Variants in CNKSR2 observed in about 807,000 individuals in gnomAD.
The protein encoded by CNKSR2 is connector enhancer of kinase suppressor of Ras 2.
Under a neutral mutation model 84.4 loss-of-function variants are expected in CNKSR2, and 14 were observed. That is an observed-to-expected ratio of 0.17 (90% CI 0.11 to 0.26). The LOEUF (loss-of-function observed/expected upper bound fraction) is 0.26. Among genes scored for constraint, CNKSR2 ranks in the 10% least tolerant of loss-of-function variants. The pLI is 1.00. For missense variants in CNKSR2, 485 were observed against 771.2 expected (o/e 0.63, Z 4.40); for synonymous variants, 275 against 277.9 (o/e 0.99, Z 0.10).
intron 13 of CNKSR2, among the ~76,000 whole-genome samples, chrX:21,589,110 GAT>G (rs1257459397): frequency 1.8e-5 from 2 of 112,092 alleles, no homozygotes; most frequent in African/African-American, 6.5e-5. Flanking sequence ...TGCAAAGTTT[GAT>G]ATGTGTGTGT....
chrX:21,514,161 T>C (rs1467896283), intron 8 of CNKSR2, among the ~76,000 whole-genome samples: 1 of 111,890 alleles, frequency 8.9e-6, no homozygotes, highest in Non-Finnish European at 1.9e-5. Context: ...TGGATACATT[T>C]ACATAATGTA....
chrX:21,505,628 T>C (rs2091605415), intron 8 of CNKSR2: 1 of 111,605 alleles, frequency 9.0e-6, no homozygotes, highest in African/African-American at 3.3e-5. Flanking sequence ...CTGTTGTCTC[T>C]CATTTTGGAC....
chrX:21,522,819 T>C (rs1402937371), intron 9 of CNKSR2, among the ~76,000 whole-genome samples: 2 of 110,942 alleles, frequency 1.8e-5, no homozygotes, highest in Non-Finnish European at 3.8e-5. Flanking sequence ...TAAGATATTA[T>C]TGCTAAAGTT....
intron 8 of CNKSR2, among the ~76,000 whole-genome samples, chrX:21,514,486 C>A (rs1426448468): frequency 9.0e-6 from 1 of 111,670 alleles, no homozygotes; most frequent in African/African-American, 3.2e-5. Context: ...GATAGAAAAG[C>A]AATTCTGTTT....
At chrX:21,432,920 C>A in intron 3 of CNKSR2, 106 bp downstream of exon 3, 1 of 754,581 alleles carries the variant, frequency 1.3e-6, no homozygotes, top group Non-Finnish European at 2.0e-6. Flanking sequence ...CAGAGGAGTA[C>A]CAAGTAATAA....
At chrX:21,542,818 G>A (rs966952822) in intron 11 of CNKSR2, among the ~76,000 whole-genome samples, 2 of 111,975 alleles carry the variant, frequency 1.8e-5, no homozygotes, top group African/African-American at 6.5e-5. Context: ...TTGAAGGTAG[G>A]AATCCAGACC....
chrX:21,472,858 A>G (rs181012401), intron 5 of CNKSR2, among the ~76,000 whole-genome samples: 29 of 111,465 alleles, frequency 2.6e-4, no homozygotes, highest in Non-Finnish European at 1.3e-4. Context: ...ATTTTAATTA[A>G]TTAGACTAAG....
At chrX:21,461,756 A>G (rs1245364696) in intron 4 of CNKSR2, among the ~76,000 whole-genome samples, 1 of 111,905 alleles carries the variant, frequency 8.9e-6, no homozygotes, top group Non-Finnish European at 1.9e-5. Flanking sequence ...ATGCCCATGG[A>G]TATCCAGTTT....
intron 15 of CNKSR2, 139 bp from the exon 16 acceptor site, chrX:21,594,835 A>T: frequency 7.1e-6 from 3 of 421,731 alleles, no homozygotes; most frequent in Non-Finnish European, 8.3e-6. Context: ...TAAGCATTGA[A>T]TTCTTATCTC....
At chrX:21,581,528 C>T (rs2092352866) in intron 13 of CNKSR2, among the ~76,000 whole-genome samples, 1 of 111,722 alleles carries the variant, frequency 9.0e-6, no homozygotes, top group East Asian at 2.8e-4. Flanking sequence ...AGCGGGGAGA[C>T]AAGATAGGAT....
intron 13 of CNKSR2, among the ~76,000 whole-genome samples, chrX:21,566,124 CAT>C (rs2092236008): frequency 1.8e-5 from 2 of 111,436 alleles, no homozygotes; most frequent in South Asian, 3.7e-4. Flanking sequence ...CTTGAAAAAA[CAT>C]GTGGCCTTGT....
rs1324385288 is a variant in CNKSR2 at position 21,432,638 on chromosome X, A to G, written c.255A>G (p.Leu85=). 1 of 1,180,774 alleles carries G rather than the reference A, an allele frequency of 8.5e-7. No individual in the cohort carries two copies. The highest frequency in any genetic ancestry group is 1.1e-6 in the Non-Finnish European group (1 of 874,816). The part of the protein sequence containing the change: ...ALNYGLETEN[L]KTLSHKLNAS... ...ATTATGGCTTGGAAACAGAAAATCT[A>G]AAAACCCTTTCTCACAAGTTGAATG... is the stretch of plus-strand genomic sequence containing the variant. The change falls in exon 3 of 22, where the codon CTA becomes CTG. Residue 85 remains leucine, a synonymous_variant. Transcript: ENST00000379510.
intron 5 of CNKSR2, among the ~76,000 whole-genome samples, chrX:21,480,127 T>TA (rs775967529): frequency 3.6e-5 from 4 of 111,507 alleles, no homozygotes; most frequent in South Asian, 3.8e-4. Context: ...GATAAATGCT[T>TA]AGAGTCCAAT....
At chrX:21,646,274 A>G (rs775986730) in intron 20 of CNKSR2, among the ~76,000 whole-genome samples, 161 of 111,830 alleles carry the variant, frequency 1.4e-3, no homozygotes, top group African/African-American at 5.1e-3. Context: ...TCCATACTCA[A>G]TTCTTTTTAC....
At chrX:21,637,856 C>A (rs1367082775) in intron 20 of CNKSR2, among the ~76,000 whole-genome samples, 1 of 111,693 alleles carries the variant, frequency 9.0e-6, no homozygotes, top group Non-Finnish European at 1.9e-5. Context: ...TCAAAATAAA[C>A]ACAAAACAAT....
At chrX:21,446,270 GA>G (rs1297919640) in intron 4 of CNKSR2, among the ~76,000 whole-genome samples, 2 of 109,449 alleles carry the variant, frequency 1.8e-5, no homozygotes, top group Non-Finnish European at 3.8e-5. Context: ...CTTTTTTTCT[GA>G]AAAAAAATGT....
rs191705897 is a variant in CNKSR2 at position 21,558,553 on chromosome X, A to T, written c.1304-2918A>T. 4.1e-4 allele frequency among the ~76,000 whole-genome samples: 39 copies of T among 94,434 alleles called. No individual in the cohort carries two copies. The East Asian group carries it at 0.011, about 28-fold the overall frequency. The allele number at this position is 94,434 out of a possible 115,157, so 82.0% of individuals were successfully genotyped here. A position where few individuals can be genotyped will look rare whatever the true frequency, so the allele number is the denominator to read the frequency against. On this transcript the variant is annotated intron_variant, in intron 11 of 21. Transcript: ENST00000379510. ...TAGTAATATACAGTATAATTCTGTT[A>T]AAAAAAAAAAGTCACCCCCGGAAAA...
At chrX:21,403,788 C>T (rs1174329830) in intron 1 of CNKSR2, among the ~76,000 whole-genome samples, 2 of 111,517 alleles carry the variant, frequency 1.8e-5, no homozygotes, top group Non-Finnish European at 3.8e-5. Context: ...TAATAAGTAT[C>T]TGATAATTAA....
In CNKSR2 at chrX:21,468,838, T is replaced by C. The variant is rs142296939; in HGVS notation, c.520-1928T>C. On this transcript the variant is annotated intron_variant, in intron 4 of 21. Coordinates refer to ENST00000379510, the MANE Select transcript of CNKSR2 (RefSeq NM_014927.5). ...CTTTATCCCATGCTAAAAATACTTA[T>C]CAATGACACTGGAGTGATAGAATGG... Among the ~76,000 whole-genome samples the C allele has an allele frequency of 9.5e-3, 1,064 of 111,799 alleles. 12 individuals carry two copies. Among genetic ancestry groups the C allele is most frequent in the African/African-American group, 0.031 (963 of 30,773 alleles).
Sources: gnomAD v4.1 joint callset for allele counts (sites outside exome capture counted in the v4.1 genomes callset) on GRCh38, gnomAD v4.1.1 for gene constraint, MANE v1.5 for transcripts, NCBI Gene and HGNC (gene_info 2026-07-23, HGNC 2026-07-21) for gene names.